Variants in FAM228A observed in about 807,000 individuals in gnomAD.
FAM228A encodes the protein protein FAM228A.
FAM228A carries 13 observed loss-of-function variants against 18.6 expected under a neutral mutation model. The observed-to-expected ratio is 0.70, with a 90% CI of 0.45 to 1.11. The LOEUF (loss-of-function observed/expected upper bound fraction) is 1.11, where lower values mean the gene tolerates loss of function less well. Among genes scored for constraint, FAM228A ranks in the 50% least tolerant of loss-of-function variants. FAM228A has a pLI of 0.00. For missense variants in FAM228A, 240 were observed against 242.2 expected, an observed-to-expected ratio of 0.99 and a Z score of 0.06; for synonymous variants, 77 against 86.6, an observed-to-expected ratio of 0.89 and a Z score of 0.61.
rs1029577647 is a variant in FAM228A at position 24,190,954 on chromosome 2, C to T, written c.*323C>T. ...CTTCTGCCACTTTCCTACCATTTTC[C>T]ACTTACTCCATCCAAACTGCACCAA... On this transcript the variant is annotated 3_prime_UTR_variant, in exon 6 of 6. Coordinates refer to ENST00000295150, the MANE Select transcript of FAM228A (RefSeq NM_001040710.3). 1.9e-6 allele frequency: 2 copies of T among 1,069,068 alleles called. No individual in the cohort carries two copies. Among genetic ancestry groups the T allele is most frequent in the South Asian group, 4.3e-5 (1 of 23,064 alleles). 66.2% of individuals were successfully genotyped at this position (1,069,068 alleles called of 1,614,324 possible).
chr2:24,182,936 G>A (rs1236406307), intron 3 of FAM228A, among the ~76,000 whole-genome samples: 1 of 150,962 alleles, frequency 6.6e-6, no homozygotes, highest in African/African-American at 2.4e-5. Context: ...GCACATTCTG[G>A]GGCCTTTCTT....
At chr2:24,187,878 C>T (rs1667986764) in intron 5 of FAM228A, among the ~76,000 whole-genome samples, 1 of 152,106 alleles carries the variant, frequency 6.6e-6, no homozygotes, top group African/African-American at 2.4e-5. Context: ...ATGATTTTCT[C>T]ATTGTCTTTG....
At chr2:24,177,928 G>C in intron 3 of FAM228A, 58 bp downstream of exon 3, 1 of 1,063,014 alleles carries the variant, frequency 9.4e-7, no homozygotes, top group Non-Finnish European at 1.4e-6. Context: ...AGAGTGTGCA[G>C]AACAACATGG....
At chr2:24,184,974 CACCA>C (rs1660506701) in intron 5 of FAM228A, among the ~76,000 whole-genome samples, 1 of 151,996 alleles carries the variant, frequency 6.6e-6, no homozygotes, top group South Asian at 2.1e-4. Flanking sequence ...AGGTGTGCGC[CACCA>C]CACCCAGCTG....
In FAM228A at chr2:24,191,193, C is replaced by T. The variant is rs941066750; in HGVS notation, c.*562C>T. The T allele has an allele frequency of 2.2e-4, 216 of 985,544 alleles. No individual in the cohort carries two copies. The highest frequency in any genetic ancestry group is 2.5e-4 in the Non-Finnish European group (210 of 830,108). 61.0% of individuals were successfully genotyped at this position (985,544 alleles called of 1,614,324 possible). ...ATTTCCCCTTCCATTCTCTCCGCCA[C>T]GCCCTGTGCCCTGAGGCCTGAGGCG... is the stretch of plus-strand genomic sequence containing the variant. On this transcript the variant is annotated 3_prime_UTR_variant, in exon 6 of 6. Coordinates refer to ENST00000295150, the MANE Select transcript of FAM228A (RefSeq NM_001040710.3).
intron 3 of FAM228A, among the ~76,000 whole-genome samples, chr2:24,181,959 A>G (rs1667826770): frequency 6.6e-6 from 1 of 152,214 alleles, no homozygotes; most frequent in South Asian, 2.1e-4. Flanking sequence ...ACTCACATTC[A>G]GCAAACTTGA....
In FAM228A at chr2:24,175,085, T is replaced by C; in HGVS notation, c.-104T>C. ...CCGACGCTCGGGCCCGCGGGCTCCT[T>C]TCTCCGTCGCCGCTCCAGGACGCGG... On this transcript the variant is annotated 5_prime_UTR_variant, in exon 1 of 6. Coordinates refer to ENST00000295150, the MANE Select transcript of FAM228A (RefSeq NM_001040710.3). 5.8e-6 allele frequency: 1 copy of C among 171,404 alleles called. No individual in the cohort carries two copies. Among genetic ancestry groups the C allele is most frequent in the Non-Finnish European group, 1.2e-5 (1 of 81,284 alleles). The allele number at this position is 171,404 out of a possible 1,614,324, so 10.6% of individuals were successfully genotyped here. A position where few individuals can be genotyped will look rare whatever the true frequency, so the allele number is the denominator to read the frequency against.
Position 24,191,292 on chromosome 2 carries a change from C to T in FAM228A, c.*661C>T, listed in dbSNP as rs1009119987. On this transcript the variant is annotated 3_prime_UTR_variant, in exon 6 of 6. Transcript: ENST00000295150. ...GCTCAGGACCTGACAGCGTCACTCCCACCCTCACCACCACACACACAGGAT... is the reference window on the plus strand; with the variant it reads ...GCTCAGGACCTGACAGCGTCACTCCTACCCTCACCACCACACACACAGGAT... 1.7e-5 allele frequency: 17 copies of T among 985,556 alleles called. No homozygotes were observed. Among genetic ancestry groups the T allele is most frequent in the Non-Finnish European group, 2.0e-5 (17 of 830,148 alleles). 61.1% of individuals were successfully genotyped at this position (985,556 alleles called of 1,614,324 possible).
At chr2:24,182,494 C>G (rs1667839019) in intron 3 of FAM228A, among the ~76,000 whole-genome samples, 1 of 152,176 alleles carries the variant, frequency 6.6e-6, no homozygotes, top group Admixed American at 6.5e-5. Context: ...AAAATAGTCC[C>G]TCTGTCTAAG....
chr2:24,182,694 C>T (rs1667843608), intron 3 of FAM228A, among the ~76,000 whole-genome samples: 1 of 152,074 alleles, frequency 6.6e-6, no homozygotes, highest in South Asian at 2.1e-4. Context: ...TGAGAGGGCC[C>T]CTCTCAGGAC....
Position 24,191,542 on chromosome 2 carries a change from G to A in FAM228A, c.*911G>A, listed in dbSNP as rs1437279411. 2 of 958,644 alleles carry A rather than the reference G, an allele frequency of 2.1e-6. No individual in the cohort carries two copies. The highest frequency in any genetic ancestry group is 2.5e-6 in the Non-Finnish European group (2 of 805,446). The allele number at this position is 958,644 out of a possible 1,614,324, so 59.4% of individuals were successfully genotyped here. A position where few individuals can be genotyped will look rare whatever the true frequency, so the allele number is the denominator to read the frequency against. ...TTTTCAAATATTCAAGATGTACAAC[G>A]TGATGATTTGCTATAGGTATTCATT... On this transcript the variant is annotated 3_prime_UTR_variant, in exon 6 of 6. Transcript: ENST00000295150.
rs1668080840 is a variant in FAM228A at position 24,191,372 on chromosome 2, A to T, written c.*741A>T. 3.9e-5 allele frequency: 38 copies of T among 985,454 alleles called. No individual in the cohort carries two copies. Among genetic ancestry groups the T allele is most frequent in the Non-Finnish European group, 4.6e-5 (38 of 830,052 alleles). The allele number at this position is 985,454 out of a possible 1,614,324, so 61.0% of individuals were successfully genotyped here. A position where few individuals can be genotyped will look rare whatever the true frequency, so the allele number is the denominator to read the frequency against. ...AGCCTGGATAGGTATTTTGTGACCC[A>T]GCTCCTGCTCAGTCCCATCGCTGTC... On this transcript the variant is annotated 3_prime_UTR_variant, in exon 6 of 6. Coordinates refer to ENST00000295150, the MANE Select transcript of FAM228A (RefSeq NM_001040710.3).
chr2:24,186,862 C>T (rs1391958157), intron 5 of FAM228A, among the ~76,000 whole-genome samples: 2 of 152,128 alleles, frequency 1.3e-5, no homozygotes, highest in African/African-American at 4.8e-5. Context: ...TCTCAAACTC[C>T]TGACCTCAAG....
In FAM228A at chr2:24,189,852, T is replaced by C. The variant is rs370879639; in HGVS notation, c.402-560T>C. The stretch of plus-strand genomic sequence containing the variant: ...AGGAAAGGCGGGAGGGGGCTCGATA[T>C]GTTAGAGAGCATTGGTATGTCATGG... On this transcript the variant is annotated intron_variant, in intron 5 of 5. Transcript: ENST00000295150. Among the ~76,000 whole-genome samples the C allele has an allele frequency of 1.3e-3, 194 of 152,002 alleles. 10 individuals carry two copies. In the South Asian group the frequency reaches 0.039, roughly 31 times the overall value.
intron 5 of FAM228A, among the ~76,000 whole-genome samples, chr2:24,184,319 G>T (rs1667891330): frequency 6.6e-6 from 1 of 151,398 alleles, no homozygotes; most frequent in Non-Finnish European, 1.5e-5. Context: ...AGCAGAAGTT[G>T]CAGTGAGTCG....
intron 5 of FAM228A, 106 bp downstream of exon 5, chr2:24,183,751 G>A (rs2151045188): frequency 2.2e-6 from 2 of 902,784 alleles, no homozygotes; most frequent in South Asian, 1.8e-5. Context: ...GTAGTTTATA[G>A]TTTTATTATT....
At chr2:24,176,611 A>G (rs903982341) in intron 2 of FAM228A, among the ~76,000 whole-genome samples, 1 of 152,222 alleles carries the variant, frequency 6.6e-6, no homozygotes, top group Non-Finnish European at 1.5e-5. Flanking sequence ...AGCTGTTTGA[A>G]TATCATTTTA....
intron 3 of FAM228A, among the ~76,000 whole-genome samples, chr2:24,178,435 A>G (rs1192122372): frequency 6.6e-6 from 1 of 152,024 alleles, no homozygotes; most frequent in Admixed American, 6.6e-5. Context: ...TTAGCCAGAC[A>G]TGGTGGCACA....
At chr2:24,180,748 T>C (rs1667797719) in intron 3 of FAM228A, among the ~76,000 whole-genome samples, 1 of 152,204 alleles carries the variant, frequency 6.6e-6, no homozygotes, top group Admixed American at 6.5e-5. Context: ...CAAGAGAGGC[T>C]GTGCTTAGAG....
Sources: allele counts gnomAD v4.1 joint callset (sites outside exome capture counted in the v4.1 genomes callset), GRCh38; gene constraint gnomAD v4.1.1; transcripts MANE v1.5; gene names NCBI Gene and HGNC (gene_info 2026-07-23, HGNC 2026-07-21).